Variants in PPP1R12B observed in about 807,000 individuals in gnomAD.
PPP1R12B encodes the protein protein phosphatase 1 regulatory subunit 12B, also known as myosin phosphatase target subunit 2.
PPP1R12B carries 76 observed loss-of-function variants against 126.1 expected under a neutral mutation model. That is an observed-to-expected ratio of 0.60 (90% CI 0.50 to 0.73). PPP1R12B has a LOEUF of 0.73. PPP1R12B is among the 30% of genes least tolerant of loss of function. The pLI, the probability that PPP1R12B is intolerant of heterozygous loss-of-function variation, is 0.00. For missense variants in PPP1R12B, 1,052 were observed against 1,205.1 expected (o/e 0.87, Z 1.88); for synonymous variants, 356 against 434.7 (o/e 0.82, Z 2.25).
At chr1:202,371,141 A>T (rs1281694104) in intron 1 of PPP1R12B, among the ~76,000 whole-genome samples, 7 of 148,810 alleles carry the variant, frequency 4.7e-5, no homozygotes, top group Admixed American at 1.3e-4. Flanking sequence ...TCAGCCTTCC[A>T]AATAGCTGGG....
chr1:202,364,691 T>C lies in PPP1R12B; in HGVS notation c.291+15549T>C, dbSNP rs534233419. Reference sequence around the variant, plus strand: ...TCCTGGGTTCACGCCATTCTCCTGTTTCAGCCTCCCGAGTAGCTGGGACTA... The same window carrying C: ...TCCTGGGTTCACGCCATTCTCCTGTCTCAGCCTCCCGAGTAGCTGGGACTA... On this transcript the variant is annotated intron_variant, in intron 1 of 23. Transcript: ENST00000608999. Among the ~76,000 whole-genome samples, 861 of 152,206 alleles carry C rather than the reference T, an allele frequency of 5.7e-3. 9 individuals are homozygous for C. The highest frequency in any genetic ancestry group is 0.038 in the Middle Eastern group (11 of 292).
intron 13 of PPP1R12B, among the ~76,000 whole-genome samples, chr1:202,461,613 C>T (rs185851643): frequency 2.0e-5 from 3 of 152,222 alleles, no homozygotes; most frequent in East Asian, 3.9e-4. Context: ...AATTTTTAAA[C>T]CCTACATGCT....
At chr1:202,488,745 T>C (rs3767415) in intron 14 of PPP1R12B, 122 bp downstream of exon 14, 432,396 of 882,060 alleles carry the variant, frequency 0.49, 110,342 homozygotes, top group East Asian at 0.72. Context: ...ACACACACGC[T>C]CACGGCTTGG....
chr1:202,430,691 T>G, intron 6 of PPP1R12B, 40 bp from the exon 7 acceptor site: 1 of 1,606,018 alleles, frequency 6.2e-7, no homozygotes, highest in Non-Finnish European at 8.5e-7. Flanking sequence ...TCACCAATAG[T>G]CAACTTCTTC....
chr1:202,393,217 G>A (rs955060887), intron 1 of PPP1R12B, among the ~76,000 whole-genome samples: 9 of 151,946 alleles, frequency 5.9e-5, no homozygotes, highest in Non-Finnish European at 1.2e-4. Context: ...CAAAGCGCTG[G>A]GATTACAAGA....
intron 1 of PPP1R12B, among the ~76,000 whole-genome samples, chr1:202,408,269 T>C (rs1213214357): frequency 6.7e-6 from 1 of 149,078 alleles, no homozygotes; most frequent in East Asian, 2.0e-4. Flanking sequence ...GTTTCAGTCC[T>C]CAGCCAGAAT....
At chr1:202,424,220 A>G (rs1270066982) in intron 3 of PPP1R12B, among the ~76,000 whole-genome samples, 1 of 152,096 alleles carries the variant, frequency 6.6e-6, no homozygotes, top group Non-Finnish European at 1.5e-5. Context: ...CACTGCTAAC[A>G]CTTCTTTGTG....
chr1:202,497,615 G>C (rs1315900934), intron 18 of PPP1R12B, among the ~76,000 whole-genome samples: 1 of 152,100 alleles, frequency 6.6e-6, no homozygotes, highest in African/African-American at 2.4e-5. Context: ...TATTGTCATT[G>C]ATCTGCCTAT....
At chr1:202,569,919 TGCTGCCATGGGA>T (rs1471078859) in intron 23 of PPP1R12B, among the ~76,000 whole-genome samples, 1 of 152,074 alleles carries the variant, frequency 6.6e-6, no homozygotes, top group African/African-American at 2.4e-5. Context: ...GCAGTCAATT[TGCTGCCATGGGA>T]GGCAGTGGGG....
chr1:202,392,379 A>G (rs1239069260), intron 1 of PPP1R12B, among the ~76,000 whole-genome samples: 1 of 152,184 alleles, frequency 6.6e-6, no homozygotes, highest in African/African-American at 2.4e-5. Flanking sequence ...ACAGAAGTCT[A>G]CGTATTATAT....
At chr1:202,485,266 A>C (rs1374426146) in intron 13 of PPP1R12B, among the ~76,000 whole-genome samples, 3 of 152,122 alleles carry the variant, frequency 2.0e-5, no homozygotes, top group African/African-American at 7.2e-5. Context: ...GTAGTGCTAC[A>C]GGTGCCTGTG....
At chr1:202,403,045 T>G (rs1163088348) in intron 1 of PPP1R12B, among the ~76,000 whole-genome samples, 1 of 152,186 alleles carries the variant, frequency 6.6e-6, no homozygotes, top group Non-Finnish European at 1.5e-5. Flanking sequence ...TTCTTTCAAC[T>G]TTTCTGTGTT....
chr1:202,449,205 C>T, intron 13 of PPP1R12B, 34 bp downstream of exon 13: 1 of 1,565,156 alleles, frequency 6.4e-7, no homozygotes, highest in African/African-American at 1.4e-5. Flanking sequence ...TTGTGGGGCT[C>T]TGCTTTGAGG....
chr1:202,419,853 A>G lies in PPP1R12B; in HGVS notation c.423-2767A>G, dbSNP rs1184887405. On this transcript the variant is annotated intron_variant, in intron 2 of 23. Coordinates refer to ENST00000608999, the MANE Select transcript of PPP1R12B (RefSeq NM_002481.4). The surrounding 1 kb of genome is among the most constrained non-coding windows in gnomAD (Gnocchi z 4.6). ...TTACCAAGGTTAAAGATGCGCACCC[A>G]GGAAACAGATCTGTGCCTTTCCCCA... 6.6e-6 allele frequency among the ~76,000 whole-genome samples: 1 copy of G among 152,230 alleles called. No homozygotes were observed. Among genetic ancestry groups the G allele is most frequent in the Non-Finnish European group, 1.5e-5 (1 of 68,034 alleles).
chr1:202,528,037 A>G (rs1228669171), intron 18 of PPP1R12B, among the ~76,000 whole-genome samples: 1 of 152,210 alleles, frequency 6.6e-6, no homozygotes, highest in East Asian at 1.9e-4. Context: ...CTTTGATTCC[A>G]GTTATTTTAA....
Position 202,427,163 on chromosome 1 carries a change from C to A in PPP1R12B, c.825C>A (p.Asp275Glu). 6 of 1,614,034 alleles carry A rather than the reference C, an allele frequency of 3.7e-6. No individual in the cohort carries two copies. Among genetic ancestry groups the A allele is most frequent in the Non-Finnish European group, 5.1e-6 (6 of 1,180,008 alleles). ...ACSILAEALC[D>E]MDIRNKLGQT... The stretch of plus-strand genomic sequence containing the variant: ...CCATCCTGGCAGAAGCACTTTGTGA[C>A]ATGGATATTCGAAATAAACTGGTTA... Residue 275 changes from aspartate (D) to glutamate (E), a missense_variant, in exon 5 of 24, where the codon GAC (aspartate) becomes GAA (glutamate). Transcript: ENST00000608999.
intron 1 of PPP1R12B, among the ~76,000 whole-genome samples, chr1:202,367,460 A>T (rs778716999): frequency 3.7e-4 from 57 of 152,116 alleles, no homozygotes; most frequent in Non-Finnish European, 6.9e-4. Flanking sequence ...GTATCATCTG[A>T]TCCCCCATTA....
chr1:202,588,492 A>G lies in PPP1R12B; in HGVS notation c.*7932A>G, dbSNP rs1003946737. 3 of 152,606 alleles carry G rather than the reference A, an allele frequency of 2.0e-5. No individual in the cohort carries two copies. The highest frequency in any genetic ancestry group is 4.4e-5 in the Non-Finnish European group (3 of 68,042). The allele number at this position is 152,606 out of a possible 1,614,324, so 9.5% of individuals were successfully genotyped here. ...TTCTGTGTTTGAAAGTTTGGGAATA[A>G]TAATATTCACTTCTATATGATGCCT... On this transcript the variant is annotated 3_prime_UTR_variant, in exon 24 of 24. Transcript: ENST00000608999.
chr1:202,429,942 C>A (rs1195615987), intron 6 of PPP1R12B, among the ~76,000 whole-genome samples: 1 of 152,186 alleles, frequency 6.6e-6, no homozygotes, highest in East Asian at 1.9e-4. Context: ...ATACATAAAA[C>A]TCATACAAAC....
Sources: gnomAD v4.1 joint callset for allele counts (sites outside exome capture counted in the v4.1 genomes callset) on GRCh38, gnomAD v4.1.1 for gene constraint, Gnocchi (gnomAD v3.1) non-coding constraint, MANE v1.5 for transcripts, NCBI Gene and HGNC (gene_info 2026-07-23, HGNC 2026-07-21) for gene names.